Variants in MEF2C observed in about 807,000 individuals in gnomAD.
The protein encoded by MEF2C is myocyte-specific enhancer factor 2C.
A neutral mutation model predicts 50.5 loss-of-function variants in MEF2C; 6 were observed. The observed-to-expected ratio is 0.12, with a 90% confidence interval of 0.07 to 0.23. The LOEUF is 0.23. Among genes scored for constraint, MEF2C ranks in the 10% least tolerant of loss-of-function variants. MEF2C has a pLI of 1.00. For synonymous variants in MEF2C, 183 were observed against 228.0 expected, an observed-to-expected ratio of 0.80 and a Z score of 1.78; for missense variants, 276 against 605.0, an observed-to-expected ratio of 0.46 and a Z score of 5.70.
At chr5:88,862,392 G>A (rs893540361) in intron 1 of MEF2C, among the ~76,000 whole-genome samples, 5 of 152,020 alleles carry the variant, frequency 3.3e-5, no homozygotes, top group Admixed American at 6.5e-5. Flanking sequence ...CGTATTCTAC[G>A]TGTCTTATAA....
chr5:88,858,944 T>C (rs1824493486), intron 1 of MEF2C, among the ~76,000 whole-genome samples: 1 of 152,224 alleles, frequency 6.6e-6, no homozygotes, highest in Non-Finnish European at 1.5e-5. Flanking sequence ...CAAACCATTC[T>C]GAGGCCTATG....
intron 2 of MEF2C, among the ~76,000 whole-genome samples, chr5:88,818,061 T>C (rs1399463698): frequency 1.3e-5 from 2 of 151,956 alleles, no homozygotes; most frequent in Non-Finnish European, 2.9e-5. Context: ...AGTTAATATA[T>C]CTTACAGTTT....
At chr5:88,748,066 TC>T (rs1484495194) in intron 6 of MEF2C, 1 of 985,110 alleles carries the variant, frequency 1.0e-6, no homozygotes, top group Admixed American at 6.1e-5. Context: ...TAATACTTTT[TC>T]TTCATTATTC....
At chr5:88,740,189 T>C (rs754363501) in intron 6 of MEF2C, 1 of 984,998 alleles carries the variant, frequency 1.0e-6, no homozygotes, top group Non-Finnish European at 1.2e-6. Context: ...TCTAGCCTAT[T>C]TGTCCTTGAC....
At chr5:88,815,343 T>TC (rs1187926564) in intron 2 of MEF2C, among the ~76,000 whole-genome samples, 1 of 152,014 alleles carries the variant, frequency 6.6e-6, no homozygotes, top group Non-Finnish European at 1.5e-5. Flanking sequence ...CAATATTTTC[T>TC]CCCCCAGGGC....
At chr5:88,768,775 T>C in intron 3 of MEF2C, 1 of 710,108 alleles carries the variant, frequency 1.4e-6, no homozygotes, top group Non-Finnish European at 1.7e-6. Flanking sequence ...TACTACCATT[T>C]CACACTACGT....
At chr5:88,731,633 G>T in intron 7 of MEF2C, 96 bp downstream of exon 7, 1 of 1,113,348 alleles carries the variant, frequency 9.0e-7, no homozygotes, top group Non-Finnish European at 1.3e-6. Flanking sequence ...TTTTCTGGGA[G>T]AATGTTAAGT....
chr5:88,752,463 A>G (rs1773273707), intron 4 of MEF2C: 1 of 374,416 alleles, frequency 2.7e-6, no homozygotes, highest in Non-Finnish European at 3.7e-6. Flanking sequence ...TTATTGAAGC[A>G]TATTTATGTA....
intron 1 of MEF2C, among the ~76,000 whole-genome samples, chr5:88,897,724 C>A (rs561994334): frequency 6.6e-6 from 1 of 152,138 alleles, no homozygotes; most frequent in Admixed American, 6.5e-5. Context: ...GCAGACAATA[C>A]ATTTTAAAAG....
intron 1 of MEF2C, among the ~76,000 whole-genome samples, chr5:88,869,480 A>G (rs1022885539): frequency 4.6e-5 from 7 of 151,446 alleles, no homozygotes; most frequent in African/African-American, 1.7e-4. Context: ...CTAGCACTTA[A>G]GTACCTTTTT....
At chr5:88,792,862 G>C (rs1007732640) in intron 3 of MEF2C, among the ~76,000 whole-genome samples, 2 of 152,114 alleles carry the variant, frequency 1.3e-5, no homozygotes. Flanking sequence ...TGTTTCATTG[G>C]AACTGTAAAA....
chr5:88,735,701 C>G (rs115467268), intron 6 of MEF2C: 21,117 of 985,232 alleles, frequency 0.021, 235 homozygotes, highest in Non-Finnish European at 0.024. Context: ...AGGAGAAAAA[C>G]ATTTTTCTCC....
At chr5:88,805,088 G>GT (rs1799827609) in intron 2 of MEF2C, among the ~76,000 whole-genome samples, 1 of 152,060 alleles carries the variant, frequency 6.6e-6, no homozygotes, top group Non-Finnish European at 1.5e-5. Context: ...CTTTGAGCAA[G>GT]TTAAGATTTA....
intron 6 of MEF2C, chr5:88,748,652 CT>C (rs1018033721): frequency 3.9e-6 from 2 of 514,336 alleles, no homozygotes; most frequent in African/African-American, 4.2e-5. Flanking sequence ...TTAACCCCTC[CT>C]TTTCTTTATG....
chr5:88,836,156 T>G (rs977403105), intron 1 of MEF2C, among the ~76,000 whole-genome samples: 1 of 152,194 alleles, frequency 6.6e-6, no homozygotes, highest in Non-Finnish European at 1.5e-5. Flanking sequence ...GATTTTCATT[T>G]ACAATCAATC....
At chr5:88,762,684 T>C (rs754792331) in intron 3 of MEF2C, among the ~76,000 whole-genome samples, 1 of 152,196 alleles carries the variant, frequency 6.6e-6, no homozygotes, top group Non-Finnish European at 1.5e-5. Flanking sequence ...TAATCATAGT[T>C]TGTCATGTTA....
chr5:88,899,043 A>G (rs1169440363), intron 1 of MEF2C, among the ~76,000 whole-genome samples: 4 of 152,210 alleles, frequency 2.6e-5, no homozygotes, highest in Admixed American at 2.0e-4. Context: ...GTCATTCTAT[A>G]AAATTAAAAA....
chr5:88,834,453 A>G (rs1434819643), intron 1 of MEF2C, among the ~76,000 whole-genome samples: 1 of 152,180 alleles, frequency 6.6e-6, no homozygotes, highest in East Asian at 1.9e-4. Flanking sequence ...GCTACGTGCC[A>G]TGGACACCAC....
At chr5:88,738,136 T>A (rs1764891561) in intron 6 of MEF2C, 1 of 985,198 alleles carries the variant, frequency 1.0e-6, no homozygotes, top group African/African-American at 1.7e-5. Context: ...ATGTTTCTGT[T>A]AAGAGTTCTC....
Sources: allele counts gnomAD v4.1 joint callset (sites outside exome capture counted in the v4.1 genomes callset), GRCh38; gene constraint gnomAD v4.1.1; transcripts MANE v1.5; gene names NCBI Gene and HGNC (gene_info 2026-07-23, HGNC 2026-07-21).